CADM1: variants seen among roughly 807,000 people sequenced by gnomAD.
The protein encoded by CADM1 is cell adhesion molecule 1.
Under a neutral mutation model 53.1 loss-of-function variants are expected in CADM1, and 15 were observed. That is an observed-to-expected ratio of 0.28 (90% CI 0.19 to 0.44). The LOEUF is 0.44. Among genes scored for constraint, CADM1 ranks in the 20% least tolerant of loss-of-function variants. CADM1 has a pLI of 1.00. For synonymous variants in CADM1, 281 were observed against 243.0 expected, an observed-to-expected ratio of 1.16 and a Z score of -1.45; for missense variants, 434 against 611.3, an observed-to-expected ratio of 0.71 and a Z score of 3.06.
intron 1 of CADM1, among the ~76,000 whole-genome samples, chr11:115,463,386 T>C (rs1256974854): frequency 2.6e-5 from 4 of 152,222 alleles, no homozygotes; most frequent in African/African-American, 9.6e-5. Flanking sequence ...TATATCCTGA[T>C]TTAAATAATT....
intron 1 of CADM1, among the ~76,000 whole-genome samples, chr11:115,413,728 T>C (rs1003003859): frequency 1.3e-5 from 2 of 151,292 alleles, no homozygotes; most frequent in Non-Finnish European, 2.9e-5. Flanking sequence ...CACTGCAACC[T>C]CTGCTTCCAG....
intron 1 of CADM1, among the ~76,000 whole-genome samples, chr11:115,367,514 A>G (rs1382518040): frequency 6.6e-6 from 1 of 152,170 alleles, no homozygotes; most frequent in South Asian, 2.1e-4. Flanking sequence ...AAAATAATGC[A>G]TATTATAGAA....
chr11:115,404,291 A>T (rs2135224548), intron 1 of CADM1, among the ~76,000 whole-genome samples: 2 of 130,036 alleles, frequency 1.5e-5, no homozygotes, highest in South Asian at 5.5e-4. Flanking sequence ...ATGCCACTCC[A>T]CTCCAGCCTG....
At chr11:115,236,634 G>C (rs954621082) in intron 3 of CADM1, among the ~76,000 whole-genome samples, 2 of 152,092 alleles carry the variant, frequency 1.3e-5, no homozygotes, top group Admixed American at 1.3e-4. Flanking sequence ...CTGATCCAAA[G>C]CAGTTGTTTT....
At chr11:115,195,100 A>G (rs957908341) in intron 9 of CADM1, among the ~76,000 whole-genome samples, 8 of 152,208 alleles carry the variant, frequency 5.3e-5, no homozygotes, top group African/African-American at 1.9e-4. Flanking sequence ...TTCAAAGAAG[A>G]TCCCTTGTGT....
At chr11:115,462,045 T>C (rs1234562010) in intron 1 of CADM1, among the ~76,000 whole-genome samples, 2 of 152,126 alleles carry the variant, frequency 1.3e-5, no homozygotes, top group Non-Finnish European at 2.9e-5. Flanking sequence ...AAAAAAGAGC[T>C]AGCCCAAGTG....
intron 1 of CADM1, among the ~76,000 whole-genome samples, chr11:115,410,047 T>G (rs1288575653): frequency 6.6e-6 from 1 of 152,236 alleles, no homozygotes; most frequent in Non-Finnish European, 1.5e-5. Flanking sequence ...ACATATCTAC[T>G]TAAGCACTCA....
At chr11:115,318,641 G>C (rs1017267503) in intron 1 of CADM1, among the ~76,000 whole-genome samples, 2 of 152,170 alleles carry the variant, frequency 1.3e-5, no homozygotes, top group Admixed American at 1.3e-4. Flanking sequence ...AAGACGGGTA[G>C]AAGGCAAGGA....
chr11:115,271,169 G>A (rs1345077520), intron 1 of CADM1, among the ~76,000 whole-genome samples: 1 of 152,100 alleles, frequency 6.6e-6, no homozygotes, highest in Non-Finnish European at 1.5e-5. Flanking sequence ...TAAGCATCAG[G>A]TTAGAAATGG....
At chr11:115,388,735 T>C (rs1946762088) in intron 1 of CADM1, among the ~76,000 whole-genome samples, 1 of 152,142 alleles carries the variant, frequency 6.6e-6, no homozygotes, top group African/African-American at 2.4e-5. Context: ...GGGGGAGTTC[T>C]GTATATTTTT....
chr11:115,236,727 G>A (rs1479878959), intron 3 of CADM1, among the ~76,000 whole-genome samples: 2 of 151,986 alleles, frequency 1.3e-5, no homozygotes, highest in East Asian at 3.9e-4. Context: ...GAAAACAAAA[G>A]ATGTGTGCCT....
intron 1 of CADM1, among the ~76,000 whole-genome samples, chr11:115,474,893 GACT>G (rs1949097348): frequency 6.6e-6 from 1 of 152,066 alleles, no homozygotes; most frequent in Non-Finnish European, 1.5e-5. Context: ...TTACTAGAAT[GACT>G]ACAACTAAAC....
At chr11:115,238,381 C>T (rs960678978) in intron 3 of CADM1, 119 bp downstream of exon 3, 42 of 1,087,440 alleles carry the variant, frequency 3.9e-5, no homozygotes, top group South Asian at 2.5e-5. Context: ...GCAAGATGGG[C>T]GGTGATTCTT....
At chr11:115,447,935 T>C (rs773061278) in intron 1 of CADM1, among the ~76,000 whole-genome samples, 1 of 152,166 alleles carries the variant, frequency 6.6e-6, no homozygotes, top group Non-Finnish European at 1.5e-5. Flanking sequence ...CACAGGGTAA[T>C]GGTTGCTCAT....
intron 1 of CADM1, among the ~76,000 whole-genome samples, chr11:115,272,722 G>C (rs1468597440): frequency 7.1e-6 from 1 of 140,830 alleles, no homozygotes; most frequent in Non-Finnish European, 1.5e-5. Context: ...GTAAAGAAAG[G>C]GGAACATCAC....
chr11:115,234,586 A>G (rs1287632774), intron 3 of CADM1, among the ~76,000 whole-genome samples: 1 of 152,072 alleles, frequency 6.6e-6, no homozygotes, highest in Non-Finnish European at 1.5e-5. Flanking sequence ...AATGTGGAAA[A>G]CTTCAGAAGC....
chr11:115,406,577 A>T (rs1328368757), intron 1 of CADM1, among the ~76,000 whole-genome samples: 1 of 148,192 alleles, frequency 6.7e-6, no homozygotes, highest in Non-Finnish European at 1.5e-5. Context: ...AATATTATAT[A>T]CCTTATTATA....
rs868192607 is a variant in CADM1, at chr11:115,244,600, T to C, written c.125-4180A>G. 2.0e-5 allele frequency among the ~76,000 whole-genome samples: 3 copies of C among 152,144 alleles called. No individual in the cohort carries two copies. In the South Asian group the frequency reaches 6.2e-4, roughly 32 times the overall value. ...AGCGATTTAAATAAACTGCCTGATGTCATTCAGCTAAGTGGCCAAGCTGAT... is the reference window on the plus strand; with the variant it reads ...AGCGATTTAAATAAACTGCCTGATGCCATTCAGCTAAGTGGCCAAGCTGAT... On this transcript the variant is annotated intron_variant, in intron 1 of 11. Transcript: ENST00000331581.
At chr11:115,234,312 A>T (rs1460452401) in intron 3 of CADM1, among the ~76,000 whole-genome samples, 2 of 152,204 alleles carry the variant, frequency 1.3e-5, no homozygotes, top group Non-Finnish European at 2.9e-5. Flanking sequence ...CTGCTGGTCC[A>T]AAGTAAGGAA....
Sources: allele counts gnomAD v4.1 joint callset (sites outside exome capture counted in the v4.1 genomes callset), GRCh38; gene constraint gnomAD v4.1.1; transcripts MANE v1.5; gene names NCBI Gene and HGNC (gene_info 2026-07-23, HGNC 2026-07-21).